CDC42SE2: variants seen among roughly 807,000 people sequenced by gnomAD.
CDC42SE2 encodes CDC42 small effector 2, also known as CDC42 small effector protein 2.
In CDC42SE2, 3 loss-of-function variants were observed where a neutral mutation model predicts 11.5. The observed-to-expected ratio is 0.26, with a 90% CI of 0.12 to 0.67. CDC42SE2 has a LOEUF of 0.67. Among genes scored for constraint, CDC42SE2 ranks in the 30% least tolerant of loss-of-function variants. The pLI is 0.80. For synonymous variants in CDC42SE2, 33 were observed against 34.8 expected, an observed-to-expected ratio of 0.95 and a Z score of 0.18; for missense variants, 82 against 106.8, an observed-to-expected ratio of 0.77 and a Z score of 1.02.
chr5:131,242,349 C>T (rs1756546801), upstream of CDC42SE2, among the ~76,000 whole-genome samples: 1 of 152,168 alleles, frequency 6.6e-6, no homozygotes, highest in African/African-American at 2.4e-5. Context: ...CCTTTCATCT[C>T]TGACATTCTG....
At chr5:131,336,318 T>C (rs899281464) in intron 2 of CDC42SE2, among the ~76,000 whole-genome samples, 2 of 152,262 alleles carry the variant, frequency 1.3e-5, no homozygotes, top group Admixed American at 6.5e-5. Flanking sequence ...TTCTGGCTTA[T>C]AGAGTTTCTG....
rs1271645460 is a variant in CDC42SE2, at chr5:131,298,369, G to A, written c.-454-17607G>A. 5.3e-5 allele frequency among the ~76,000 whole-genome samples: 8 copies of A among 151,878 alleles called. No individual in the cohort carries two copies. In the Middle Eastern group the frequency reaches 0.014, roughly 258 times the overall value. ...TGATCCGATCTCAGGTGATCCACCC[G>A]CCTTGGCCTCCCAATGTGCTCGGAT... On this transcript the variant is annotated intron_variant, in intron 1 of 4. Coordinates refer to ENST00000505065, the MANE Select transcript of CDC42SE2 (RefSeq NM_001375635.1).
intron 2 of CDC42SE2, among the ~76,000 whole-genome samples, chr5:131,347,237 T>C (rs1449777859): frequency 2.0e-5 from 3 of 151,834 alleles, no homozygotes; most frequent in East Asian, 1.9e-4. Context: ...ATCAACAAAA[T>C]TGATAGACCG....
chr5:131,234,412 T>A, the CDC42SE2 span, among the ~76,000 whole-genome samples: 19 of 152,104 alleles, frequency 1.2e-4, no homozygotes, highest in Non-Finnish European at 2.5e-4. Flanking sequence ...CCCAGGCAGG[T>A]GGATCACAAG....
At chr5:131,338,947 C>T (rs1423705311) in intron 2 of CDC42SE2, among the ~76,000 whole-genome samples, 3 of 152,100 alleles carry the variant, frequency 2.0e-5, no homozygotes, top group Non-Finnish European at 4.4e-5. Flanking sequence ...GTGAACTGCT[C>T]TTTAAGAATG....
rs760668689 is a variant in CDC42SE2 at position 131,369,039 on chromosome 5, G to A, written c.54+9492G>A. Among the ~76,000 whole-genome samples the A allele has an allele frequency of 4.7e-4, 71 of 152,172 alleles. 1 individual carries two copies. The highest frequency in any genetic ancestry group is 1.0e-4 in the Non-Finnish European group (7 of 68,026). On this transcript the variant is annotated intron_variant, in intron 3 of 4. Coordinates refer to ENST00000505065, the MANE Select transcript of CDC42SE2 (RefSeq NM_001375635.1). ...TTGTGTCCTTTCCAATTACACACGTGCCTGTTCCAACACCTGGAGGAACTG... is the reference window on the plus strand; with the variant it reads ...TTGTGTCCTTTCCAATTACACACGTACCTGTTCCAACACCTGGAGGAACTG...
intron 1 of CDC42SE2, among the ~76,000 whole-genome samples, chr5:131,307,634 A>C (rs1757807491): frequency 6.6e-6 from 1 of 152,272 alleles, no homozygotes; most frequent in Admixed American, 6.5e-5. Context: ...TCCCTGAGGA[A>C]TTGCCACACT....
At chr5:131,289,195 T>C (rs1019512311) in intron 1 of CDC42SE2, among the ~76,000 whole-genome samples, 1 of 152,224 alleles carries the variant, frequency 6.6e-6, no homozygotes, top group Non-Finnish European at 1.5e-5. Flanking sequence ...TTATTCACTT[T>C]AATGGGAAGT....
the CDC42SE2 span, among the ~76,000 whole-genome samples, chr5:131,239,769 T>G: frequency 6.6e-6 from 1 of 152,204 alleles, no homozygotes; most frequent in Non-Finnish European, 1.5e-5. Flanking sequence ...TTCAGATTCC[T>G]CATCTGGAAG....
intron 2 of CDC42SE2, among the ~76,000 whole-genome samples, chr5:131,316,594 A>G (rs546135251): frequency 3.9e-5 from 6 of 152,306 alleles, no homozygotes; most frequent in Middle Eastern, 3.4e-3. Flanking sequence ...TTTTGGGGAA[A>G]TCTTTCTTGC....
intron 1 of CDC42SE2, among the ~76,000 whole-genome samples, chr5:131,300,615 C>T (rs2149715627): frequency 6.6e-6 from 1 of 151,988 alleles, no homozygotes; most frequent in Non-Finnish European, 1.5e-5. Flanking sequence ...AAACCTGTCT[C>T]TACTAAAAAT....
At chr5:131,293,559 C>G (rs1757507281) in intron 1 of CDC42SE2, among the ~76,000 whole-genome samples, 2 of 112,836 alleles carry the variant, frequency 1.8e-5, no homozygotes, top group African/African-American at 6.9e-5. Context: ...GTGACGAGAG[C>G]AAAACTCCGT....
chr5:131,392,300 A>ATTTGTTTG lies in CDC42SE2; in HGVS notation c.*1218_*1225dup, dbSNP rs550237983. The ATTTGTTTG allele has an allele frequency of 2.2e-4, 33 of 152,770 alleles. No individual in the cohort carries two copies. Among genetic ancestry groups the ATTTGTTTG allele is most frequent in the African/African-American group, 7.2e-4 (30 of 41,516 alleles). The allele number at this position is 152,770 out of a possible 1,614,324, so 9.5% of individuals were successfully genotyped here. A position where few individuals can be genotyped will look rare whatever the true frequency, so the allele number is the denominator to read the frequency against. On this transcript the variant is annotated 3_prime_UTR_variant, in exon 5 of 5. Coordinates refer to ENST00000505065, the MANE Select transcript of CDC42SE2 (RefSeq NM_001375635.1). ...ACCCACAAGCACAATGATCATTTTT[A>ATTTGTTTG]TTTGTTTGTTTGTTTGAAACTTCAG...
upstream of CDC42SE2, among the ~76,000 whole-genome samples, chr5:131,244,313 A>G (rs954735715): frequency 2.6e-5 from 4 of 152,254 alleles, no homozygotes; most frequent in Admixed American, 2.0e-4. Context: ...ACCAGAAAAG[A>G]TAAAGAAGAT....
At chr5:131,319,417 A>T (rs1216156349) in intron 2 of CDC42SE2, among the ~76,000 whole-genome samples, 2 of 152,176 alleles carry the variant, frequency 1.3e-5, no homozygotes. Context: ...CTCAACAAGG[A>T]TAAATTTATA....
chr5:131,363,641 T>G (rs1229449366), intron 3 of CDC42SE2, among the ~76,000 whole-genome samples: 1 of 151,320 alleles, frequency 6.6e-6, no homozygotes, highest in Non-Finnish European at 1.5e-5. Context: ...CCTCCCAAAG[T>G]GCTGGGATTA....
At chr5:131,340,045 A>C (rs1471095553) in intron 2 of CDC42SE2, among the ~76,000 whole-genome samples, 1 of 152,216 alleles carries the variant, frequency 6.6e-6, no homozygotes, top group African/African-American at 2.4e-5. Flanking sequence ...TTGATAGTCT[A>C]CTTTTCATCA....
chr5:131,361,080 T>G (rs912248004), intron 3 of CDC42SE2, among the ~76,000 whole-genome samples: 2 of 151,130 alleles, frequency 1.3e-5, no homozygotes, highest in Non-Finnish European at 2.9e-5. Context: ...TTTGTTTTTT[T>G]TTTTGGATTG....
At chr5:131,331,200 T>C (rs189468426) in intron 2 of CDC42SE2, among the ~76,000 whole-genome samples, 69 of 152,320 alleles carry the variant, frequency 4.5e-4, no homozygotes, top group African/African-American at 1.6e-3. Flanking sequence ...ACACAGGTTT[T>C]GCCAATGTCA....
Sources: allele counts gnomAD v4.1 joint callset (sites outside exome capture counted in the v4.1 genomes callset), GRCh38; gene constraint gnomAD v4.1.1; transcripts MANE v1.5; gene names NCBI Gene and HGNC (gene_info 2026-07-23, HGNC 2026-07-21).